The following EYA1 variants were observed in gnomAD, a reference collection of about 807,000 sequenced individuals.
The protein encoded by EYA1 is EYA transcriptional coactivator and phosphatase 1.
In EYA1, 16 loss-of-function variants were observed where a neutral mutation model predicts 82.0. That is an observed-to-expected ratio of 0.20 (90% confidence interval 0.13 to 0.30). The LOEUF is 0.30. Among genes scored for constraint, EYA1 ranks in the 10% least tolerant of loss-of-function variants. The pLI is 1.00. For missense variants in EYA1, 633 were observed against 730.7 expected, an observed-to-expected ratio of 0.87 and a Z score of 1.54; for synonymous variants, 261 against 264.4, an observed-to-expected ratio of 0.99 and a Z score of 0.12.
At chr8:71,408,043 C>A (rs537165740) in intron 2 of EYA1, among the ~76,000 whole-genome samples, 11,318 of 151,568 alleles carry the variant, frequency 0.075, 1,153 homozygotes, top group African/African-American at 0.24. Flanking sequence ...ACCCTACAAG[C>A]CAGAAGAGAG....
At chr8:71,397,577 G>T (rs1326837704) in intron 2 of EYA1, among the ~76,000 whole-genome samples, 2 of 152,134 alleles carry the variant, frequency 1.3e-5, no homozygotes, top group African/African-American at 4.8e-5. Flanking sequence ...TGAAATTCTG[G>T]GTTGAAAATT....
intron 1 of EYA1, among the ~76,000 whole-genome samples, chr8:71,357,379 G>A (rs1586532285): frequency 1.3e-5 from 2 of 152,228 alleles, no homozygotes; most frequent in Admixed American, 6.5e-5. Context: ...CTAATGTGCA[G>A]GCTTTGACAG....
rs1170271265 is a variant in EYA1 at position 71,379,766 on chromosome 8, G to A, written c.34-23255C>T. ...TTAAACTCCTTCATAGATTTTAGGT[G>A]AAGTTCAAAATCCTCAATTTATCCA... On this transcript the variant is annotated intron_variant, in intron 2 of 18. Transcript: ENST00000643681. 2.0e-5 allele frequency among the ~76,000 whole-genome samples: 3 copies of A among 152,132 alleles called. No homozygotes were observed. The East Asian group carries it at 5.8e-4, about 29-fold the overall frequency.
chr8:71,375,690 G>A (rs566353396), intron 2 of EYA1, among the ~76,000 whole-genome samples: 26 of 152,170 alleles, frequency 1.7e-4, no homozygotes, highest in African/African-American at 5.1e-4. Flanking sequence ...CTATAGTGGC[G>A]TGATCTCGGC....
chr8:71,516,502 G>A (rs1812984054), intron 2 of EYA1, among the ~76,000 whole-genome samples: 1 of 152,166 alleles, frequency 6.6e-6, no homozygotes, highest in Admixed American at 6.6e-5. Flanking sequence ...CAGCCAAAGA[G>A]GAAAATATGG....
At position 71,299,164 on chromosome 8, in the gene EYA1, C is replaced by A; in HGVS notation, c.709G>T (p.Ala237Ser). The stretch of plus-strand genomic sequence containing the variant: ...GTGTTGCTGCTGGTCATATAATGTG[C>A]TGGATACGGTGAGCTGTTATAATAC... ...AQYYNSSPYP[A>S]HYMTSSNTSP... Residue 237 changes from alanine (A) to serine (S), a missense_variant, in exon 9 of 18, where the codon GCA becomes TCA. Ala to Ser is a moderately conservative substitution (Grantham distance 99). Coordinates refer to ENST00000340726, the MANE Select transcript of EYA1 (RefSeq NM_000503.6). 6.2e-7 allele frequency: 1 copy of A among 1,614,094 alleles called. No homozygotes were observed. Among genetic ancestry groups the A allele is most frequent in the Non-Finnish European group, 8.5e-7 (1 of 1,180,012 alleles).
At chr8:71,429,150 G>A (rs577994283) in intron 2 of EYA1, among the ~76,000 whole-genome samples, 14 of 152,098 alleles carry the variant, frequency 9.2e-5, no homozygotes, top group Non-Finnish European at 2.9e-5. Flanking sequence ...CTGAGTCTTC[G>A]TTTTCCAAAC....
In EYA1 at chr8:71,239,256, C is replaced by T. The variant is rs114172948; in HGVS notation, c.1140+5347G>A. ...TCTTGCTTAAAAAACTTATTTTGTC[C>T]TCCCCACCCTAAACTGAGGGTTTTG... On this transcript the variant is annotated intron_variant, in intron 12 of 17. Transcript: ENST00000340726. 4.3e-3 allele frequency among the ~76,000 whole-genome samples: 659 copies of T among 152,094 alleles called. 6 individuals are homozygous for T. Among genetic ancestry groups the T allele is most frequent in the African/African-American group, 0.015 (626 of 41,476 alleles).
chr8:71,425,283 G>A (rs766227010), intron 2 of EYA1, among the ~76,000 whole-genome samples: 36 of 103,240 alleles, frequency 3.5e-4, no homozygotes, highest in African/African-American at 9.6e-4. Context: ...GGGAGACTCC[G>A]TCTCAAAGAA....
upstream of EYA1, among the ~76,000 whole-genome samples, chr8:71,366,973 C>T (rs180805486): frequency 6.2e-4 from 95 of 152,150 alleles, no homozygotes; most frequent in Non-Finnish European, 8.4e-4. Flanking sequence ...GAAAAAATCA[C>T]TATATAGTAG....
Position 71,403,187 on chromosome 8 carries a change from G to A in EYA1, c.34-46676C>T, listed in dbSNP as rs1018442661. ...TTTGACAGAAACTGTGTTCACAATC[G>A]TAAGCAAATCTCCACACTTGATTAG... On this transcript the variant is annotated intron_variant, in intron 2 of 18. Coordinates refer to the EYA1 transcript ENST00000643681. Among the ~76,000 whole-genome samples, 6 of 152,152 alleles carry A rather than the reference G, an allele frequency of 3.9e-5. 1 individual carries two copies. The highest frequency in any genetic ancestry group is 6.5e-5 in the Admixed American group (1 of 15,276).
chr8:71,383,476 T>C (rs1405410285), intron 2 of EYA1, among the ~76,000 whole-genome samples: 1 of 152,048 alleles, frequency 6.6e-6, no homozygotes, highest in African/African-American at 2.4e-5. Flanking sequence ...ATCAACAGAG[T>C]CAATTTTAAT....
intron 2 of EYA1, among the ~76,000 whole-genome samples, chr8:71,479,789 A>T (rs2129210522): frequency 6.6e-6 from 1 of 152,254 alleles, no homozygotes; most frequent in East Asian, 1.9e-4. Context: ...GTTTCCTAAG[A>T]TACCTGAACA....
chr8:71,206,909 C>A (rs1380089152), intron 17 of EYA1, among the ~76,000 whole-genome samples: 1 of 148,430 alleles, frequency 6.7e-6, no homozygotes, highest in African/African-American at 2.5e-5. Flanking sequence ...GCACCCACCA[C>A]CACGCCCGGG....
intron 2 of EYA1, among the ~76,000 whole-genome samples, chr8:71,434,907 A>G (rs1163662183): frequency 2.0e-5 from 3 of 152,144 alleles, no homozygotes; most frequent in African/African-American, 7.2e-5. Context: ...TGTAAAATAA[A>G]TCTGTGTACA....
At chr8:71,393,599 T>C (rs539104567) in intron 2 of EYA1, among the ~76,000 whole-genome samples, 1 of 152,318 alleles carries the variant, frequency 6.6e-6, no homozygotes, top group East Asian at 1.9e-4. Flanking sequence ...TCCAGCTTCA[T>C]CCATGTCCCT....
At chr8:71,271,703 A>G in intron 10 of EYA1, 55 bp downstream of exon 10, 1 of 1,610,376 alleles carries the variant, frequency 6.2e-7, no homozygotes, top group Non-Finnish European at 8.5e-7. Flanking sequence ...ATGTAAAACC[A>G]CCAGTTAGCT....
intron 2 of EYA1, among the ~76,000 whole-genome samples, chr8:71,498,270 C>T (rs62508467): frequency 0.16 from 24,034 of 152,006 alleles, 1,991 homozygotes; most frequent in Non-Finnish European, 0.17. Context: ...TTCCTCATTC[C>T]ACAATGTATA....
At chr8:71,423,424 G>A (rs956980631) in intron 2 of EYA1, among the ~76,000 whole-genome samples, 7 of 152,040 alleles carry the variant, frequency 4.6e-5, no homozygotes, top group East Asian at 1.9e-4. Context: ...GATCCATCAC[G>A]TTCTAATGGA....
Sources: gnomAD v4.1 joint callset for allele counts (sites outside exome capture counted in the v4.1 genomes callset) on GRCh38, gnomAD v4.1.1 for gene constraint, MANE v1.5 for transcripts, NCBI Gene and HGNC (gene_info 2026-07-23, HGNC 2026-07-21) for gene names.